Variants in TENM1 observed in about 807,000 individuals in gnomAD.
The protein encoded by TENM1 is teneurin transmembrane protein 1.
In TENM1, 35 loss-of-function variants were observed where a neutral mutation model predicts 174.8. The ratio of observed to expected loss-of-function variants is 0.20; its 90% CI spans 0.15 to 0.27. TENM1 has a LOEUF of 0.27. Ranked by LOEUF, TENM1 falls within the 10% of genes least tolerant of loss-of-function variation. The pLI is 1.00. For synonymous variants in TENM1, 781 were observed against 798.7 expected (o/e 0.98, Z 0.37); for missense variants, 1,633 against 2,130.1 (o/e 0.77, Z 4.59).
intron 24 of TENM1, among the ~76,000 whole-genome samples, chrX:124,421,570 G>A (rs1026971053): frequency 9.2e-6 from 1 of 108,744 alleles, no homozygotes; most frequent in Non-Finnish European, 1.9e-5. Context: ...TAAGAGGACC[G>A]TTTGCCATCT....
chrX:124,827,874 A>C (rs1185655901), intron 3 of TENM1, among the ~76,000 whole-genome samples: 2 of 111,946 alleles, frequency 1.8e-5, no homozygotes, highest in Non-Finnish European at 3.8e-5. Context: ...TCTTTAAGAA[A>C]ACTCAATATA....
the TENM1 span, among the ~76,000 whole-genome samples, chrX:125,129,102 T>C: frequency 9.6e-3 from 1,068 of 111,738 alleles, 16 homozygotes; most frequent in African/African-American, 0.032. Flanking sequence ...TGTAAAGACA[T>C]AGTGAGAAGG....
chrX:124,919,351 A>G (rs767368462), intron 1 of TENM1, among the ~76,000 whole-genome samples: 1 of 112,349 alleles, frequency 8.9e-6, no homozygotes, highest in Non-Finnish European at 1.9e-5. Context: ...GTTCAGTCAC[A>G]CAATGGAATA....
At position 124,392,367 on chromosome X, in the gene TENM1, A is replaced by G. The variant is rs763891797; in HGVS notation, c.5392-19T>C. 1 of 1,146,474 alleles carries G rather than the reference A, an allele frequency of 8.7e-7. No individual in the cohort carries two copies. 94.5% of individuals were successfully genotyped at this position (1,146,474 alleles called of 1,213,427 possible). A position where few individuals can be genotyped will look rare whatever the true frequency, so the allele number is the denominator to read the frequency against. On this transcript the variant is annotated intron_variant, in intron 27 of 31. Transcript: ENST00000422452. ...TGTGGGCCTATGAGAAAGAGATATG[A>G]AATACATTTTAAGCACAGCCTTGTT...
At chrX:124,380,198 T>C (rs1205754214) in exon 32 of TENM1, 3 of 164,204 alleles carry the variant, frequency 1.8e-5, no homozygotes, top group Non-Finnish European at 1.1e-5. Context: ...CTTCTCACAA[T>C]AGAGATAGAG....
chrX:124,956,983 G>A (rs918131157), intron 1 of TENM1, among the ~76,000 whole-genome samples: 1 of 112,123 alleles, frequency 8.9e-6, no homozygotes, highest in African/African-American at 3.2e-5. Context: ...AATTTTGAGG[G>A]CAAAGACTGC....
At chrX:124,828,989 T>C (rs1417692728) in intron 3 of TENM1, among the ~76,000 whole-genome samples, 4 of 111,878 alleles carry the variant, frequency 3.6e-5, no homozygotes, top group Non-Finnish European at 7.5e-5. Context: ...TGAATTATTA[T>C]GGAAGTAGTA....
intron 22 of TENM1, among the ~76,000 whole-genome samples, chrX:124,470,900 A>G (rs2061292246): frequency 9.2e-6 from 1 of 108,896 alleles, no homozygotes; most frequent in Non-Finnish European, 1.9e-5. Flanking sequence ...AAAATAACAT[A>G]CATGTATTTT....
chrX:124,389,278 A>G lies in TENM1; in HGVS notation c.5688+2774T>C, dbSNP rs149940597. Among the ~76,000 whole-genome samples, 6 of 112,783 alleles carry G rather than the reference A, an allele frequency of 5.3e-5. No individual in the cohort carries two copies. In the East Asian group the frequency reaches 1.7e-3, roughly 31 times the overall value. ...GTGAAAAATCTGCTGCTGCTTTTTA[A>G]TACATCGTGACACAGGTATGGCAAG... On this transcript the variant is annotated intron_variant, in intron 28 of 31. Coordinates refer to ENST00000422452, the Ensembl canonical transcript of TENM1.
intron 3 of TENM1, among the ~76,000 whole-genome samples, chrX:124,817,081 C>T (rs1044965162): frequency 2.7e-5 from 3 of 110,297 alleles, no homozygotes; most frequent in African/African-American, 9.9e-5. Flanking sequence ...ATGTTCCCCT[C>T]CCTGTGTCCA....
intron 3 of TENM1, among the ~76,000 whole-genome samples, chrX:124,780,054 A>G (rs1186115974): frequency 3.6e-5 from 4 of 111,840 alleles, no homozygotes; most frequent in South Asian, 3.7e-4. Flanking sequence ...TCTTCCCAGT[A>G]TAGATTAGGG....
chrX:124,699,318 A>T (rs1772662722), intron 5 of TENM1, among the ~76,000 whole-genome samples: 1 of 110,891 alleles, frequency 9.0e-6, no homozygotes, highest in Admixed American at 9.6e-5. Flanking sequence ...CCTCCTGTCC[A>T]GTCCCCCTTT....
exon 18 of TENM1, chrX:124,520,601 C>A: frequency 2.5e-6 from 3 of 1,210,838 alleles, no homozygotes; most frequent in Non-Finnish European, 3.4e-6. Context: ...TTAATTGCGG[C>A]GGGAAACCAC....
chrX:124,714,238 T>G (rs769332716), intron 4 of TENM1, among the ~76,000 whole-genome samples: 1 of 111,311 alleles, frequency 9.0e-6, no homozygotes, highest in Non-Finnish European at 1.9e-5. Flanking sequence ...AAAGGCAGAG[T>G]TGGTAATCAA....
At chrX:124,869,588 G>T (rs2057070923) in intron 3 of TENM1, among the ~76,000 whole-genome samples, 1 of 111,189 alleles carries the variant, frequency 9.0e-6, no homozygotes, top group South Asian at 3.8e-4. Flanking sequence ...TCTATCAACT[G>T]GTGAATGAAT....
chrX:124,644,262 G>C (rs976959226), intron 10 of TENM1, among the ~76,000 whole-genome samples: 1 of 101,047 alleles, frequency 9.9e-6, no homozygotes, highest in Non-Finnish European at 2.0e-5. Flanking sequence ...TTCTACTATC[G>C]CTAATGGGAG....
At chrX:125,186,413 G>T in the TENM1 span, among the ~76,000 whole-genome samples, 1 of 110,735 alleles carries the variant, frequency 9.0e-6, no homozygotes, top group Non-Finnish European at 1.9e-5. Context: ...GATATGGTTG[G>T]TTTCGCCCTG....
chrX:124,909,525 A>G (rs2057802961), intron 1 of TENM1, among the ~76,000 whole-genome samples: 1 of 112,287 alleles, frequency 8.9e-6, no homozygotes, highest in Non-Finnish European at 1.9e-5. Context: ...TAAACTATGC[A>G]TATATCATTA....
intron 16 of TENM1, among the ~76,000 whole-genome samples, chrX:124,527,650 C>CA (rs1223312403): frequency 1.1e-5 from 1 of 92,881 alleles, no homozygotes; most frequent in Non-Finnish European, 2.2e-5. Flanking sequence ...TTTCTTTTTT[C>CA]TTTTTTTTTT....
Sources: allele counts gnomAD v4.1 joint callset (sites outside exome capture counted in the v4.1 genomes callset), GRCh38; gene constraint gnomAD v4.1.1; transcripts MANE v1.5; gene names NCBI Gene and HGNC (gene_info 2026-07-23, HGNC 2026-07-21).